The following GSN variants were observed in gnomAD, a reference collection of about 807,000 sequenced individuals.
GSN encodes gelsolin.
A neutral mutation model predicts 85.7 loss-of-function variants in GSN; 56 were observed. That is an observed-to-expected ratio of 0.65 (90% CI 0.53 to 0.82). The LOEUF (loss-of-function observed/expected upper bound fraction) is 0.82, where lower values mean the gene tolerates loss of function less well. GSN is among the 40% of genes least tolerant of loss of function. GSN has a pLI of 0.00. For synonymous variants in GSN, 373 were observed against 399.1 expected, an observed-to-expected ratio of 0.93 and a Z score of 0.78; for missense variants, 857 against 979.8, an observed-to-expected ratio of 0.87 and a Z score of 1.67.
chr9:121,204,522 A>G (rs1268326092), upstream of GSN, among the ~76,000 whole-genome samples: 1 of 152,248 alleles, frequency 6.6e-6, no homozygotes, highest in Non-Finnish European at 1.5e-5. Context: ...AATTCTTTTA[A>G]TAAGTCCCAG....
upstream of GSN, among the ~76,000 whole-genome samples, chr9:121,264,291 A>AAT (rs2132288034): frequency 6.6e-6 from 1 of 152,174 alleles, no homozygotes; most frequent in East Asian, 1.9e-4. Flanking sequence ...CATCTCTACA[A>AAT]ATAACATAAA....
intron 5 of GSN, chr9:121,239,368 T>G: frequency 2.2e-6 from 1 of 450,794 alleles, no homozygotes; most frequent in South Asian, 1.9e-5. Context: ...CAGGCAGATG[T>G]TGTCCATTGA....
At chr9:121,284,898 C>G (rs577501364) in intron 2 of GSN, 1 of 167,324 alleles carries the variant, frequency 6.0e-6, no homozygotes, top group South Asian at 2.1e-4. Context: ...TTGTCACTCC[C>G]CCCACCGCAC....
intron 5 of GSN, among the ~76,000 whole-genome samples, chr9:121,231,604 A>G (rs1317458362): frequency 6.6e-6 from 1 of 152,204 alleles, no homozygotes; most frequent in Non-Finnish European, 1.5e-5. Flanking sequence ...ACTCCAGCCA[A>G]TTCAACTGAG....
intron 6 of GSN, among the ~76,000 whole-genome samples, chr9:121,255,200 G>A (rs557240678): frequency 5.3e-5 from 8 of 152,102 alleles, no homozygotes; most frequent in Admixed American, 3.9e-4. Context: ...TGCCCACCTC[G>A]GCCTCCCAAA....
intron 14 of GSN, among the ~76,000 whole-genome samples, chr9:121,327,931 G>A (rs537984927): frequency 2.2e-4 from 33 of 150,992 alleles, no homozygotes; most frequent in African/African-American, 7.4e-4. Flanking sequence ...CTGAGATCAC[G>A]CTATTGCACT....
chr9:121,280,308 G>A (rs1363037750), intron 1 of GSN: 1 of 152,266 alleles, frequency 6.6e-6, no homozygotes, highest in Non-Finnish European at 1.5e-5. Context: ...TCCACGATGA[G>A]CTGATGTGGG....
upstream of GSN, among the ~76,000 whole-genome samples, chr9:121,205,672 G>T (rs900547430): frequency 5.9e-5 from 9 of 152,284 alleles, no homozygotes; most frequent in African/African-American, 2.2e-4. Context: ...TCTGCTGGAA[G>T]ATATAGCAAA....
At chr9:121,203,364 A>T (rs558511175), upstream of GSN, 1 of 151,666 alleles carries the variant, frequency 6.6e-6, no homozygotes, top group South Asian at 2.1e-4. Flanking sequence ...TCCCGTGCTG[A>T]TCAGTAATGG....
intron 5 of GSN, among the ~76,000 whole-genome samples, chr9:121,232,458 G>T (rs2054409093): frequency 6.6e-6 from 1 of 152,210 alleles, no homozygotes; most frequent in South Asian, 2.1e-4. Context: ...TCTTGGCAGA[G>T]TTACATAAGT....
upstream of GSN, among the ~76,000 whole-genome samples, chr9:121,266,941 C>G (rs1409807571): frequency 1.3e-4 from 20 of 152,214 alleles, no homozygotes. Flanking sequence ...GGAGTGAGCA[C>G]TGTGCTCTTG....
At chr9:121,221,627 T>C (rs897601061) in intron 4 of GSN, among the ~76,000 whole-genome samples, 3 of 152,204 alleles carry the variant, frequency 2.0e-5, no homozygotes, top group African/African-American at 7.2e-5. Context: ...GTGACCCCAA[T>C]TTGCTGTGTG....
chr9:121,246,374 C>G (rs998173031), intron 5 of GSN, among the ~76,000 whole-genome samples: 8 of 152,158 alleles, frequency 5.3e-5, no homozygotes, highest in African/African-American at 1.9e-4. Context: ...CTAAAGCATC[C>G]AATTTGATAG....
intron 5 of GSN, among the ~76,000 whole-genome samples, chr9:121,241,083 C>A (rs1183883219): frequency 6.6e-6 from 1 of 152,088 alleles, no homozygotes; most frequent in Admixed American, 6.5e-5. Flanking sequence ...AAAAATAATG[C>A]CATACAGATC....
At chr9:121,325,247 T>G (rs2133850197) in intron 12 of GSN, among the ~76,000 whole-genome samples, 1 of 152,258 alleles carries the variant, frequency 6.6e-6, no homozygotes, top group Middle Eastern at 3.4e-3. Context: ...AAATCCTAGG[T>G]AGGATCCTAT....
chr9:121,324,750 T>TATCC, intron 12 of GSN, 106 bp downstream of exon 12: 1 of 678,850 alleles, frequency 1.5e-6, no homozygotes, highest in Non-Finnish European at 2.7e-6. Context: ...TCTGTCTGTC[T>TATCC]GTCCATCCAT....
intron 6 of GSN, among the ~76,000 whole-genome samples, chr9:121,250,767 G>A (rs1438490417): frequency 6.6e-6 from 1 of 151,708 alleles, no homozygotes; most frequent in Non-Finnish European, 1.5e-5. Context: ...TCGAACTCCC[G>A]ACCTCATGAT....
intron 2 of GSN, among the ~76,000 whole-genome samples, chr9:121,288,133 C>T (rs1349291271): frequency 1.3e-5 from 2 of 152,032 alleles, no homozygotes; most frequent in African/African-American, 4.8e-5. Flanking sequence ...TGTGGTGATG[C>T]CCAGGCTGAT....
intron 4 of GSN, among the ~76,000 whole-genome samples, chr9:121,223,626 A>G (rs2054213711): frequency 1.3e-5 from 2 of 152,142 alleles, no homozygotes; most frequent in African/African-American, 4.8e-5. Flanking sequence ...TTTTATAAGT[A>G]TTATTTTACT....
Sources: gnomAD v4.1 joint callset for allele counts (sites outside exome capture counted in the v4.1 genomes callset) on GRCh38, gnomAD v4.1.1 for gene constraint, MANE v1.5 for transcripts, NCBI Gene and HGNC (gene_info 2026-07-23, HGNC 2026-07-21) for gene names.